The following DIP2C variants were observed in gnomAD, a reference collection of about 807,000 sequenced individuals.
The protein encoded by DIP2C is disco-interacting protein 2 homolog C.
In DIP2C, 33 loss-of-function variants were observed where a neutral mutation model predicts 192.4. That is an observed-to-expected ratio of 0.17 (90% CI 0.13 to 0.23). The LOEUF (loss-of-function observed/expected upper bound fraction) is 0.23, where lower values mean the gene tolerates loss of function less well. Among genes scored for constraint, DIP2C ranks in the 10% least tolerant of loss-of-function variants. DIP2C has a pLI of 1.00. For synonymous variants in DIP2C, 979 were observed against 864.1 expected (o/e 1.13, Z -2.33); for missense variants, 1,537 against 2,110.1 (o/e 0.73, Z 5.32).
intron 1 of DIP2C, among the ~76,000 whole-genome samples, chr10:548,350 C>A (rs58217739): frequency 0.15 from 22,897 of 151,204 alleles, 2,820 homozygotes; most frequent in African/African-American, 0.34. Flanking sequence ...AAACATCCAG[C>A]CCCGAGACCC....
At chr10:613,088 G>A (rs955619947) in intron 1 of DIP2C, among the ~76,000 whole-genome samples, 7 of 152,208 alleles carry the variant, frequency 4.6e-5, no homozygotes, top group African/African-American at 9.7e-5. Flanking sequence ...GTCTAGGACC[G>A]TTCTAAGGAG....
chr10:417,783 C>CT (rs1564685417), intron 6 of DIP2C, among the ~76,000 whole-genome samples: 5 of 115,816 alleles, frequency 4.3e-5, no homozygotes, highest in Non-Finnish European at 5.2e-5. Flanking sequence ...CCTGTCAGGG[C>CT]TCGGATAGGC....
At position 547,086 on chromosome 10, in the gene DIP2C, A is replaced by T. The variant is rs143948213; in HGVS notation, c.86-60556T>A. On this transcript the variant is annotated intron_variant, in intron 1 of 36. Coordinates refer to ENST00000280886, the MANE Select transcript of DIP2C (RefSeq NM_014974.3). Reference sequence around the variant, plus strand: ...TTGGTGCCTCTGAGCTAAGATAACCATCAAATCCTCGGAAGACGCACCTCT... The same window carrying T: ...TTGGTGCCTCTGAGCTAAGATAACCTTCAAATCCTCGGAAGACGCACCTCT... 5.4e-3 allele frequency among the ~76,000 whole-genome samples: 824 copies of T among 152,314 alleles called. 9 individuals are homozygous for T. The highest frequency in any genetic ancestry group is 0.019 in the African/African-American group (773 of 41,568).
At chr10:508,204 G>GA (rs1379868858) in intron 1 of DIP2C, among the ~76,000 whole-genome samples, 1 of 152,114 alleles carries the variant, frequency 6.6e-6, no homozygotes, top group Non-Finnish European at 1.5e-5. Context: ...ATTCCAGGCT[G>GA]AAAATCTCTT....
intron 1 of DIP2C, among the ~76,000 whole-genome samples, chr10:612,345 T>A (rs941281641): frequency 6.6e-6 from 1 of 152,070 alleles, no homozygotes; most frequent in Non-Finnish European, 1.5e-5. Context: ...ATGTCAAATA[T>A]ATCAGCTAAA....
intron 9 of DIP2C, among the ~76,000 whole-genome samples, chr10:404,976 T>A (rs917205807): frequency 3.3e-5 from 5 of 152,208 alleles, no homozygotes; most frequent in Non-Finnish European, 7.3e-5. Context: ...ATTTCCACAT[T>A]ACCACTGCTG....
chr10:360,703 T>G (rs929861775), intron 22 of DIP2C, among the ~76,000 whole-genome samples: 2 of 152,198 alleles, frequency 1.3e-5, no homozygotes, highest in African/African-American at 4.8e-5. Flanking sequence ...TCTGTAATAT[T>G]TTTGCCAGCT....
chr10:544,523 G>T (rs1040074865), intron 1 of DIP2C, among the ~76,000 whole-genome samples: 2 of 152,192 alleles, frequency 1.3e-5, no homozygotes, highest in African/African-American at 4.8e-5. Context: ...CTTTTCCAAA[G>T]CAACTGTACC....
intron 31 of DIP2C, among the ~76,000 whole-genome samples, chr10:314,972 T>C (rs1956714388): frequency 1.3e-5 from 2 of 152,248 alleles, no homozygotes; most frequent in African/African-American, 2.4e-5. Flanking sequence ...ATTGGTGCGA[T>C]TGCTGTTGGT....
intron 1 of DIP2C, chr10:650,526 C>T (rs1855811247): frequency 1.5e-6 from 1 of 672,672 alleles, no homozygotes; most frequent in Non-Finnish European, 2.7e-6. Context: ...CCCAGCTGGT[C>T]CCCCCATGAC....
At chr10:296,133 C>T (rs1401692144) in intron 32 of DIP2C, among the ~76,000 whole-genome samples, 1 of 152,166 alleles carries the variant, frequency 6.6e-6, no homozygotes, top group Non-Finnish European at 1.5e-5. Context: ...AATTAGATCC[C>T]ATTTGCCAAT....
chr10:467,553 ATTAT>A (rs1970316971), intron 3 of DIP2C, among the ~76,000 whole-genome samples: 4 of 127,240 alleles, frequency 3.1e-5, no homozygotes, highest in Non-Finnish European at 5.0e-5. Context: ...TAAAATAAAA[ATTAT>A]TTAAGTGTAA....
intron 1 of DIP2C, among the ~76,000 whole-genome samples, chr10:556,738 C>T (rs1438654416): frequency 1.3e-5 from 2 of 152,280 alleles, no homozygotes; most frequent in South Asian, 2.1e-4. Context: ...CCAACACCTA[C>T]CACATTGAAA....
intron 36 of DIP2C, among the ~76,000 whole-genome samples, chr10:278,162 G>A (rs1356497907): frequency 1.3e-5 from 2 of 151,734 alleles, no homozygotes; most frequent in African/African-American, 4.8e-5. Flanking sequence ...CAGCTCTGCT[G>A]CTGAGGGCCG....
intron 3 of DIP2C, among the ~76,000 whole-genome samples, chr10:457,800 C>G (rs1969422470): frequency 6.6e-6 from 1 of 152,210 alleles, no homozygotes; most frequent in Non-Finnish European, 1.5e-5. Flanking sequence ...AAGCTCTCCT[C>G]CACCTCGGCC....
chr10:537,372 T>C (rs957826838), intron 1 of DIP2C, among the ~76,000 whole-genome samples: 2 of 152,142 alleles, frequency 1.3e-5, no homozygotes, highest in African/African-American at 4.8e-5. Context: ...TTAAAACTGT[T>C]TCTAAAATAC....
At chr10:287,685 AAAG>A (rs1955223484) in intron 33 of DIP2C, among the ~76,000 whole-genome samples, 2 of 151,976 alleles carry the variant, frequency 1.3e-5, no homozygotes, top group Admixed American at 6.6e-5. Context: ...AAAAAAAAAA[AAAG>A]AGTCTTTATT....
In DIP2C at chr10:382,643, G is replaced by T. The variant is rs1485778301; in HGVS notation, c.1991+4C>A. 18 of 1,610,468 alleles carry T rather than the reference G, an allele frequency of 1.1e-5. No homozygotes were observed. The highest frequency in any genetic ancestry group is 1.4e-5 in the Non-Finnish European group (17 of 1,177,492). ...TATCTACGTAAATCAACATGACCCA[G>T]TACCTCCGGATGGCCACAGTGAGGG... On this transcript the variant is annotated splice_donor_region_variant and intron_variant, in intron 17 of 36. Transcript: ENST00000280886.
chr10:675,493 G>T (rs1042840401), intron 1 of DIP2C, among the ~76,000 whole-genome samples: 1 of 151,100 alleles, frequency 6.6e-6, no homozygotes, highest in African/African-American at 2.4e-5. Context: ...AAAAATGTTG[G>T]TTTTTTGAAA....
Sources: allele counts gnomAD v4.1 joint callset (sites outside exome capture counted in the v4.1 genomes callset), GRCh38; gene constraint gnomAD v4.1.1; transcripts MANE v1.5; gene names NCBI Gene and HGNC (gene_info 2026-07-23, HGNC 2026-07-21).